RABGEF1: variants seen among roughly 807,000 people sequenced by gnomAD.
The protein encoded by RABGEF1 is RAB guanine nucleotide exchange factor 1, also known as rab5 GDP/GTP exchange factor.
A neutral mutation model predicts 57.3 loss-of-function variants in RABGEF1; 26 were observed. The observed-to-expected ratio is 0.45, with a 90% CI of 0.33 to 0.63. The LOEUF (loss-of-function observed/expected upper bound fraction) is 0.63, where lower values mean the gene tolerates loss of function less well. RABGEF1 is among the 20% of genes least tolerant of loss of function. The probability of loss-of-function intolerance (pLI) is 0.02; values close to 1 mark genes in which losing one functional copy is unlikely to be tolerated. For missense variants in RABGEF1, 464 were observed against 607.6 expected (o/e 0.76, Z 2.48); for synonymous variants, 185 against 210.7 (o/e 0.88, Z 1.06).
At chr7:66,720,271 C>T (rs2117502405) in intron 2 of RABGEF1, among the ~76,000 whole-genome samples, 1 of 149,370 alleles carries the variant, frequency 6.7e-6, no homozygotes, top group Admixed American at 6.7e-5. Context: ...GATCTCGGCT[C>T]ACTGTAACCT....
the RABGEF1 span, among the ~76,000 whole-genome samples, chr7:66,654,935 C>T: frequency 6.6e-6 from 1 of 152,248 alleles, no homozygotes; most frequent in African/African-American, 2.4e-5. Flanking sequence ...GGAGCATTTC[C>T]CGGCCGCCTC....
At chr7:66,716,345 A>G (rs1584895038) in intron 2 of RABGEF1, among the ~76,000 whole-genome samples, 1 of 152,206 alleles carries the variant, frequency 6.6e-6, no homozygotes, top group African/African-American at 2.4e-5. Flanking sequence ...CATGCGTGTA[A>G]TCCCAGCACT....
At chr7:66,795,212 TC>T (rs1813729627) in intron 4 of RABGEF1, among the ~76,000 whole-genome samples, 1 of 152,146 alleles carries the variant, frequency 6.6e-6, no homozygotes, top group African/African-American at 2.4e-5. Context: ...TTCTTCCTTT[TC>T]ACCTAATAAA....
intron 1 of RABGEF1, chr7:66,755,946 C>A: frequency 3.9e-6 from 3 of 773,098 alleles, no homozygotes; most frequent in Non-Finnish European, 5.9e-6. Flanking sequence ...AACATTAAAA[C>A]TCTGACATTG....
intron 4 of RABGEF1, among the ~76,000 whole-genome samples, chr7:66,792,570 A>G (rs1170409463): frequency 6.6e-6 from 1 of 152,224 alleles, no homozygotes; most frequent in African/African-American, 2.4e-5. Context: ...CTTATTAGAC[A>G]GTAAGCAGTC....
intron 2 of RABGEF1, among the ~76,000 whole-genome samples, chr7:66,712,968 A>G (rs1794943812): frequency 6.6e-6 from 1 of 150,450 alleles, no homozygotes. Context: ...GTGTGCCACT[A>G]CACTTGGCTA....
At chr7:66,719,451 C>A (rs549661130) in intron 2 of RABGEF1, among the ~76,000 whole-genome samples, 1 of 152,130 alleles carries the variant, frequency 6.6e-6, no homozygotes, top group Non-Finnish European at 1.5e-5. Context: ...GCACCTCGGC[C>A]CCCCGCAGTG....
intron 2 of RABGEF1, among the ~76,000 whole-genome samples, chr7:66,726,846 A>G (rs933319151): frequency 8.5e-5 from 13 of 152,092 alleles, no homozygotes; most frequent in Non-Finnish European, 1.9e-4. Context: ...TTTACTAAAA[A>G]TACAAAAATT....
At chr7:66,757,476 G>A (rs1395945485) in intron 1 of RABGEF1, among the ~76,000 whole-genome samples, 1 of 152,194 alleles carries the variant, frequency 6.6e-6, no homozygotes, top group African/African-American at 2.4e-5. Context: ...TGACTGAAAT[G>A]ATTTATTTTT....
At chr7:66,765,795 G>T (rs1468073572) in intron 1 of RABGEF1, among the ~76,000 whole-genome samples, 1 of 152,102 alleles carries the variant, frequency 6.6e-6, no homozygotes, top group African/African-American at 2.4e-5. Flanking sequence ...ATCCTGAATT[G>T]GGGGACCATT....
At chr7:66,683,205 T>A (rs1193217065) in intron 1 of RABGEF1, among the ~76,000 whole-genome samples, 2 of 152,162 alleles carry the variant, frequency 1.3e-5, no homozygotes, top group African/African-American at 4.8e-5. Context: ...GTCAAACTCC[T>A]GGCCTTAAGC....
intron 2 of RABGEF1, among the ~76,000 whole-genome samples, chr7:66,774,498 C>T (rs1808027688): frequency 6.6e-6 from 1 of 152,224 alleles, no homozygotes; most frequent in South Asian, 2.1e-4. Flanking sequence ...CAGTTCATCA[C>T]ACGCCCAGTG....
intron 1 of RABGEF1, among the ~76,000 whole-genome samples, chr7:66,702,233 C>T (rs898117663): frequency 6.6e-6 from 1 of 152,164 alleles, no homozygotes; most frequent in Admixed American, 6.6e-5. Flanking sequence ...ATCAAAATTT[C>T]ATTCCTCTTT....
intron 4 of RABGEF1, 84 bp from the exon 5 acceptor site, chr7:66,795,427 G>T (rs1562869542): frequency 5.2e-6 from 6 of 1,164,462 alleles, no homozygotes; most frequent in Non-Finnish European, 7.7e-6. Context: ...TACAAGGAAT[G>T]GCTTTTGGAA....
intron 1 of RABGEF1, among the ~76,000 whole-genome samples, chr7:66,765,715 GC>G (rs1805525745): frequency 6.6e-6 from 1 of 152,178 alleles, no homozygotes; most frequent in African/African-American, 2.4e-5. Flanking sequence ...CAAGAGAACA[GC>G]CCCGACTTAG....
intron 1 of RABGEF1, among the ~76,000 whole-genome samples, chr7:66,689,525 G>A (rs1053326549): frequency 7.2e-5 from 11 of 152,060 alleles, no homozygotes; most frequent in African/African-American, 1.2e-4. Context: ...TAAACTGGCC[G>A]GGCAAGGTGG....
At chr7:66,684,526 C>G (rs899925967) in intron 1 of RABGEF1, among the ~76,000 whole-genome samples, 2 of 152,198 alleles carry the variant, frequency 1.3e-5, no homozygotes, top group Non-Finnish European at 2.9e-5. Flanking sequence ...AGGAACACAG[C>G]TAACTGCAAC....
intron 6 of RABGEF1, among the ~76,000 whole-genome samples, chr7:66,799,018 A>G (rs1455118165): frequency 6.6e-6 from 1 of 152,244 alleles, no homozygotes; most frequent in Non-Finnish European, 1.5e-5. Context: ...GAGGACAGGC[A>G]GCAGCCAATT....
Position 66,799,341 on chromosome 7 carries a change from G to A in RABGEF1, c.747G>A (p.Thr249=), listed in dbSNP as rs1046946137. ...QKRIRALRWV[T]PQMLCVPVNE... ...TCTTTAGAGCCCTGCGCTGGGTTAC[G>A]CCTCAGATGCTGTGTGTCCCTGTTA... The change falls in exon 7 of 9, where the codon ACG becomes ACA. Residue 249 remains threonine (T), a synonymous_variant. Transcript: ENST00000284957. 13 of 1,609,660 alleles carry A rather than the reference G, an allele frequency of 8.1e-6. No individual in the cohort carries two copies. Among genetic ancestry groups the A allele is most frequent in the East Asian group, 4.5e-5 (2 of 44,860 alleles).
Sources: allele counts gnomAD v4.1 joint callset (sites outside exome capture counted in the v4.1 genomes callset), GRCh38; gene constraint gnomAD v4.1.1; transcripts MANE v1.5; gene names NCBI Gene and HGNC (gene_info 2026-07-23, HGNC 2026-07-21).